Variants in NRG1 observed in about 807,000 individuals in gnomAD.
The protein encoded by NRG1 is neuregulin 1.
A neutral mutation model predicts 63.8 loss-of-function variants in NRG1; 18 were observed. The ratio of observed to expected loss-of-function variants is 0.28; its 90% confidence interval spans 0.19 to 0.42. The LOEUF (loss-of-function observed/expected upper bound fraction) is 0.42. Ranked by LOEUF, NRG1 falls within the 10% of genes least tolerant of loss-of-function variation. The pLI, the probability that NRG1 is intolerant of heterozygous loss-of-function variation, is 1.00. For synonymous variants in NRG1, 302 were observed against 301.3 expected, an observed-to-expected ratio of 1.00 and a Z score of -0.02; for missense variants, 762 against 814.7, an observed-to-expected ratio of 0.94 and a Z score of 0.79.
intron 1 of NRG1, among the ~76,000 whole-genome samples, chr8:32,476,773 G>A (rs1824574531): frequency 2.0e-5 from 3 of 152,132 alleles, no homozygotes. Context: ...CACAGAGACA[G>A]CTTTTCTTAA....
chr8:32,271,002 G>C (rs1184515436), intron 1 of NRG1, among the ~76,000 whole-genome samples: 2 of 152,150 alleles, frequency 1.3e-5, no homozygotes, highest in African/African-American at 2.4e-5. Context: ...TTGGGGCTAA[G>C]ACTAGTTCCA....
At chr8:32,663,791 T>A (rs974806735) in intron 5 of NRG1, among the ~76,000 whole-genome samples, 3 of 152,152 alleles carry the variant, frequency 2.0e-5, no homozygotes, top group Non-Finnish European at 4.4e-5. Flanking sequence ...TGGTCACATA[T>A]TCCTGCAAAT....
intron 1 of NRG1, among the ~76,000 whole-genome samples, chr8:32,150,163 T>A (rs1046065039): frequency 2.0e-5 from 3 of 150,630 alleles, no homozygotes; most frequent in African/African-American, 7.3e-5. Flanking sequence ...ACAAACTGCA[T>A]TTGTATTCAT....
At chr8:32,461,694 A>C (rs951816059) in intron 1 of NRG1, among the ~76,000 whole-genome samples, 5 of 151,884 alleles carry the variant, frequency 3.3e-5, no homozygotes, top group Admixed American at 2.0e-4. Context: ...CTCTGTCTCC[A>C]AAAAAAAGAA....
At chr8:31,702,337 T>C (rs899660495) in intron 1 of NRG1, among the ~76,000 whole-genome samples, 12 of 152,214 alleles carry the variant, frequency 7.9e-5, no homozygotes, top group African/African-American at 2.9e-4. Context: ...TGGAATTCCA[T>C]GCACTTCATG....
At chr8:32,707,802 A>G (rs1355304607) in intron 5 of NRG1, among the ~76,000 whole-genome samples, 13 of 151,954 alleles carry the variant, frequency 8.6e-5, no homozygotes, top group Admixed American at 8.5e-4. Context: ...GGGCTTTTGT[A>G]TTAAATAATG....
chr8:32,171,916 G>C (rs746466409), intron 1 of NRG1, among the ~76,000 whole-genome samples: 82 of 152,256 alleles, frequency 5.4e-4, no homozygotes, highest in Middle Eastern at 3.4e-3. Flanking sequence ...CTCCACCTCT[G>C]GGGGCAGGGA....
intron 5 of NRG1, among the ~76,000 whole-genome samples, chr8:32,713,888 G>A (rs988018680): frequency 2.6e-5 from 4 of 151,080 alleles, no homozygotes; most frequent in Non-Finnish European, 5.9e-5. Flanking sequence ...GCAGCGGTGC[G>A]ATCTCAGCTC....
At chr8:32,651,371 T>TGATA (rs1251255660) in intron 5 of NRG1, among the ~76,000 whole-genome samples, 1 of 152,204 alleles carries the variant, frequency 6.6e-6, no homozygotes. Context: ...TATATTGTCA[T>TGATA]GATACTAATT....
Position 31,986,578 on chromosome 8 carries a change from G to A in NRG1, c.37+347147G>A, listed in dbSNP as rs117803832. ...AGCATGAAATATTTCTTAGTTTCAG[G>A]GGTTGAAGTATCATCTGCACTTAGT... On this transcript the variant is annotated intron_variant, in intron 1 of 10. Transcript: ENST00000519301. Among the ~76,000 whole-genome samples, 1,291 of 152,196 alleles carry A rather than the reference G, an allele frequency of 8.5e-3. 22 individuals are homozygous for A. The highest frequency in any genetic ancestry group is 0.074 in the South Asian group (357 of 4,824).
At chr8:31,969,468 G>T (rs1479754408) in intron 1 of NRG1, among the ~76,000 whole-genome samples, 2 of 152,110 alleles carry the variant, frequency 1.3e-5, no homozygotes, top group Admixed American at 1.3e-4. Context: ...ACAAATCCTG[G>T]AATGTTTGAT....
chr8:32,704,103 A>G (rs1459717465), intron 5 of NRG1, among the ~76,000 whole-genome samples: 1 of 152,240 alleles, frequency 6.6e-6, no homozygotes, highest in African/African-American at 2.4e-5. Flanking sequence ...CTAGTTGCCT[A>G]CCAGATATCA....
At chr8:31,706,584 A>T (rs974380944) in intron 1 of NRG1, among the ~76,000 whole-genome samples, 2 of 152,184 alleles carry the variant, frequency 1.3e-5, no homozygotes, top group African/African-American at 4.8e-5. Flanking sequence ...GCTAGGTTAG[A>T]GTACAAGTTT....
At chr8:32,621,807 A>G (rs1848388473) in intron 5 of NRG1, among the ~76,000 whole-genome samples, 1 of 152,180 alleles carries the variant, frequency 6.6e-6, no homozygotes, top group Non-Finnish European at 1.5e-5. Flanking sequence ...AAACTGATAC[A>G]TGTTGTCCAA....
At chr8:32,416,183 C>T (rs1021308199) in intron 1 of NRG1, among the ~76,000 whole-genome samples, 2 of 152,146 alleles carry the variant, frequency 1.3e-5, no homozygotes, top group Non-Finnish European at 1.5e-5. Context: ...ATATTACCTA[C>T]CTTTAGTGTC....
chr8:32,499,849 G>A (rs530556455), intron 1 of NRG1, among the ~76,000 whole-genome samples: 3 of 152,252 alleles, frequency 2.0e-5, no homozygotes, highest in Admixed American at 2.0e-4. Flanking sequence ...GTTAGGTTCA[G>A]TTGTCCAACT....
chr8:32,320,943 C>T (rs1288481294), intron 1 of NRG1, among the ~76,000 whole-genome samples: 3 of 152,102 alleles, frequency 2.0e-5, no homozygotes, highest in African/African-American at 7.2e-5. Flanking sequence ...TTGAGGAAAT[C>T]AATTTCCTCC....
intron 1 of NRG1, among the ~76,000 whole-genome samples, chr8:31,732,144 T>C (rs567442312): frequency 8.5e-5 from 13 of 152,344 alleles, no homozygotes; most frequent in Admixed American, 2.6e-4. Context: ...CAGGGAGACC[T>C]TTCTCACTCC....
chr8:32,290,783 T>A (rs1854104968), intron 1 of NRG1, among the ~76,000 whole-genome samples: 1 of 152,102 alleles, frequency 6.6e-6, no homozygotes, highest in Non-Finnish European at 1.5e-5. Flanking sequence ...CCTACTCACC[T>A]TATTCTTATG....
Sources: allele counts gnomAD v4.1 joint callset (sites outside exome capture counted in the v4.1 genomes callset), GRCh38; gene constraint gnomAD v4.1.1; transcripts MANE v1.5; gene names NCBI Gene and HGNC (gene_info 2026-07-23, HGNC 2026-07-21).